The following CNTN4 variants were observed in gnomAD, a reference collection of about 807,000 sequenced individuals.
CNTN4 encodes the protein contactin 4.
CNTN4 carries 77 observed loss-of-function variants against 122.5 expected under a neutral mutation model. That is an observed-to-expected ratio of 0.63 (90% CI 0.52 to 0.76). The LOEUF (loss-of-function observed/expected upper bound fraction) is 0.76, where lower values mean the gene tolerates loss of function less well. Ranked by LOEUF, CNTN4 falls within the 30% of genes least tolerant of loss-of-function variation. CNTN4 has a pLI of 0.00. For synonymous variants in CNTN4, 512 were observed against 447.0 expected, an observed-to-expected ratio of 1.15 and a Z score of -1.83; for missense variants, 1,256 against 1,259.1, an observed-to-expected ratio of 1.00 and a Z score of 0.04.
intron 4 of CNTN4, among the ~76,000 whole-genome samples, chr3:2,653,952 A>C (rs2083469805): frequency 6.6e-6 from 1 of 152,182 alleles, no homozygotes; most frequent in African/African-American, 2.4e-5. Flanking sequence ...GAAAACAGTA[A>C]GTTTGGGACT....
At chr3:2,627,580 G>A (rs938750892) in intron 4 of CNTN4, among the ~76,000 whole-genome samples, 9 of 141,318 alleles carry the variant, frequency 6.4e-5, no homozygotes, top group South Asian at 4.8e-4. Context: ...TGCAAGCTCC[G>A]CCTCCTGGGT....
At chr3:2,677,939 C>T (rs985669827) in intron 4 of CNTN4, among the ~76,000 whole-genome samples, 3 of 152,116 alleles carry the variant, frequency 2.0e-5, no homozygotes, top group African/African-American at 7.2e-5. Flanking sequence ...TAGCAGAAAA[C>T]TTGAATATTA....
At chr3:2,650,895 C>G (rs1426436249) in intron 4 of CNTN4, among the ~76,000 whole-genome samples, 1 of 152,104 alleles carries the variant, frequency 6.6e-6, no homozygotes, top group Non-Finnish European at 1.5e-5. Context: ...TTTTATTGCA[C>G]TGGTCTGGAA....
chr3:2,324,700 A>C (rs917597364), intron 2 of CNTN4, among the ~76,000 whole-genome samples: 4 of 152,170 alleles, frequency 2.6e-5, no homozygotes, highest in Non-Finnish European at 5.9e-5. Context: ...CTATGTCCAC[A>C]GATTAAAATG....
At chr3:2,778,808 C>G (rs1051488714) in intron 6 of CNTN4, among the ~76,000 whole-genome samples, 6 of 152,112 alleles carry the variant, frequency 3.9e-5, no homozygotes, top group African/African-American at 1.4e-4. Flanking sequence ...AGGGCTTTCA[C>G]CAAGCAGATC....
At chr3:2,731,632 T>C (rs758856871) in intron 4 of CNTN4, among the ~76,000 whole-genome samples, 1 of 152,218 alleles carries the variant, frequency 6.6e-6, no homozygotes, top group Non-Finnish European at 1.5e-5. Context: ...TGGAAAATCA[T>C]TGCCTTCCCC....
intron 3 of CNTN4, chr3:2,362,661 G>A (rs2150559258): frequency 2.5e-6 from 1 of 406,188 alleles, no homozygotes; most frequent in East Asian, 6.3e-5. Flanking sequence ...TGAGATCAAT[G>A]ATGAGAAGCT....
intron 4 of CNTN4, among the ~76,000 whole-genome samples, chr3:2,595,342 C>T (rs2080718074): frequency 6.6e-6 from 1 of 152,168 alleles, no homozygotes; most frequent in Admixed American, 6.5e-5. Context: ...TAATAGACTT[C>T]AGGAAAAATT....
chr3:2,617,170 A>G (rs2149884826), intron 4 of CNTN4, among the ~76,000 whole-genome samples: 1 of 152,350 alleles, frequency 6.6e-6, no homozygotes, highest in South Asian at 2.1e-4. Flanking sequence ...GAGCTTCTGC[A>G]CAGCAAAATA....
chr3:2,865,216 C>A (rs1031071622), intron 7 of CNTN4, among the ~76,000 whole-genome samples: 5 of 152,134 alleles, frequency 3.3e-5, no homozygotes, highest in Admixed American at 6.5e-5. Flanking sequence ...ATAATTATAT[C>A]TTTCTAAAAT....
At chr3:2,801,480 C>T (rs1424457650) in intron 6 of CNTN4, among the ~76,000 whole-genome samples, 1 of 152,186 alleles carries the variant, frequency 6.6e-6, no homozygotes, top group Admixed American at 6.5e-5. Flanking sequence ...CCTCACACAT[C>T]ACTGTAGGCA....
intron 3 of CNTN4, among the ~76,000 whole-genome samples, chr3:2,448,636 G>A (rs1411479210): frequency 6.6e-6 from 1 of 152,206 alleles, no homozygotes; most frequent in South Asian, 2.1e-4. Flanking sequence ...GCCAGAGGAA[G>A]TGATTCTCTG....
intron 4 of CNTN4, among the ~76,000 whole-genome samples, chr3:2,603,280 T>C (rs2081123786): frequency 6.6e-6 from 1 of 152,236 alleles, no homozygotes; most frequent in African/African-American, 2.4e-5. Flanking sequence ...GCAGCGTATT[T>C]CTTGATATTG....
intron 15 of CNTN4, among the ~76,000 whole-genome samples, chr3:3,028,575 A>T (rs1698920135): frequency 6.6e-6 from 1 of 152,188 alleles, no homozygotes; most frequent in Non-Finnish European, 1.5e-5. Context: ...CTTCATGAAT[A>T]AAGTGAATTA....
chr3:2,419,886 C>A (rs1246405998), intron 3 of CNTN4, among the ~76,000 whole-genome samples: 4 of 152,122 alleles, frequency 2.6e-5, no homozygotes, highest in African/African-American at 9.7e-5. Context: ...ATACTTATTT[C>A]CCTGTGGTTT....
intron 3 of CNTN4, among the ~76,000 whole-genome samples, chr3:2,487,660 T>G (rs2076200942): frequency 6.6e-6 from 1 of 152,222 alleles, no homozygotes; most frequent in African/African-American, 2.4e-5. Context: ...TATGAGAGAT[T>G]GTGACTTCAA....
intron 13 of CNTN4, among the ~76,000 whole-genome samples, chr3:2,970,426 A>C (rs970815131): frequency 6.6e-5 from 10 of 152,012 alleles, no homozygotes; most frequent in African/African-American, 2.2e-4. Context: ...AGAATGCCTT[A>C]ATGATAACAC....
chr3:2,300,251 T>C (rs1042931303), intron 2 of CNTN4, among the ~76,000 whole-genome samples: 9 of 152,242 alleles, frequency 5.9e-5, no homozygotes, highest in African/African-American at 1.2e-4. Flanking sequence ...ATTTCACATG[T>C]GTTGACTTTT....
At chr3:2,509,799 G>C (rs576161072) in intron 3 of CNTN4, among the ~76,000 whole-genome samples, 1 of 152,118 alleles carries the variant, frequency 6.6e-6, no homozygotes, top group African/African-American at 2.4e-5. Flanking sequence ...TGTGAAGAAA[G>C]CCTCACCTTT....
Sources: gnomAD v4.1 joint callset for allele counts (sites outside exome capture counted in the v4.1 genomes callset) on GRCh38, gnomAD v4.1.1 for gene constraint, MANE v1.5 for transcripts, NCBI Gene and HGNC (gene_info 2026-07-23, HGNC 2026-07-21) for gene names.